Variants in HPS5 observed in about 807,000 individuals in gnomAD.
HPS5 encodes BLOC-2 complex member HPS5.
Under a neutral mutation model 128.0 loss-of-function variants are expected in HPS5, and 83 were observed. That is an observed-to-expected ratio of 0.65 (90% CI 0.54 to 0.78). The LOEUF is 0.78. HPS5 is among the 30% of genes least tolerant of loss of function. The pLI, the probability that HPS5 is intolerant of heterozygous loss-of-function variation, is 0.00. For synonymous variants in HPS5, 475 were observed against 470.2 expected, an observed-to-expected ratio of 1.01 and a Z score of -0.13; for missense variants, 1,281 against 1,326.2, an observed-to-expected ratio of 0.97 and a Z score of 0.53.
In HPS5 at chr11:18,292,885, C is replaced by T. The variant is rs777540195; in HGVS notation, c.1862+14G>A. 1 of 1,601,828 alleles carries T rather than the reference C, an allele frequency of 6.2e-7. No homozygotes were observed. Among genetic ancestry groups the T allele is most frequent in the Admixed American group, 1.7e-5 (1 of 60,006 alleles). ...CCTTGAGACGTCACTATAAAAGTTTCTCATTATACTCACATTGCTTCTGCT... is the reference window on the plus strand; with the variant it reads ...CCTTGAGACGTCACTATAAAAGTTTTTCATTATACTCACATTGCTTCTGCT... On this transcript the variant is annotated intron_variant, in intron 15 of 22. Coordinates refer to ENST00000349215, the MANE Select transcript of HPS5 (RefSeq NM_181507.2).
chr11:18,314,183 T>C (rs1863335665), intron 2 of HPS5, among the ~76,000 whole-genome samples: 2 of 152,162 alleles, frequency 1.3e-5, no homozygotes, highest in African/African-American at 2.4e-5. Context: ...GACTCAGCTA[T>C]GATGCCTGTG....
chr11:18,311,023 A>C, intron 4 of HPS5, 90 bp from the exon 5 acceptor site: 2 of 897,382 alleles, frequency 2.2e-6, no homozygotes, highest in South Asian at 1.4e-5. Context: ...TCAAATACAT[A>C]TGCAACTCTT....
chr11:18,299,561 A>ACT (rs1258555447), intron 9 of HPS5, among the ~76,000 whole-genome samples: 2 of 152,116 alleles, frequency 1.3e-5, no homozygotes, highest in African/African-American at 4.8e-5. Flanking sequence ...TCAACATAAC[A>ACT]CTCTCTACTG....
chr11:18,291,751 T>C lies in HPS5; in HGVS notation c.2131A>G (p.Arg711Gly), dbSNP rs927578042. ...TCATCCAAAGACTCCCTTGGACTCC[T>C]TACACATTCACATGCTGTTTTATCA... ...SVDKTACECV[R>G]SPRESLDDLF... Residue 711 changes from arginine (R) to glycine (G), a missense_variant, in exon 16 of 23, where the codon AGG becomes GGG. Physicochemically the swap from Arg to Gly is moderately radical, Grantham distance 125. Coordinates refer to ENST00000349215, the MANE Select transcript of HPS5 (RefSeq NM_181507.2). The C allele has an allele frequency of 3.7e-6, 6 of 1,614,112 alleles. No individual in the cohort carries two copies. In the African/African-American group the frequency reaches 8.0e-5, roughly 22 times the overall value.
intron 16 of HPS5, 50 bp from the exon 17 acceptor site, chr11:18,288,063 T>C (rs774835693): frequency 1.2e-6 from 2 of 1,600,048 alleles, no homozygotes; most frequent in South Asian, 2.2e-5. Flanking sequence ...TAGGCGGAAA[T>C]ATTCAATTTA....
chr11:18,290,594 A>G (rs1860277298), intron 16 of HPS5, among the ~76,000 whole-genome samples: 2 of 152,200 alleles, frequency 1.3e-5, no homozygotes, highest in Non-Finnish European at 2.9e-5. Flanking sequence ...GCACTGCTCT[A>G]CCATTTTCTG....
chr11:18,318,882 T>C (rs1219806751), intron 1 of HPS5, among the ~76,000 whole-genome samples: 1 of 152,190 alleles, frequency 6.6e-6, no homozygotes, highest in Non-Finnish European at 1.5e-5. Context: ...CCAGACATTA[T>C]TCTAGGTCCT....
chr11:18,286,394 G>A lies in HPS5; in HGVS notation c.2837+197C>T, dbSNP rs144400358. Among the ~76,000 whole-genome samples, 22 of 152,140 alleles carry A rather than the reference G, an allele frequency of 1.4e-4. No homozygotes were observed. The East Asian group carries it at 2.9e-3, about 20-fold the overall frequency. ...ATCTCATCTGTACAAAAAATTAGCCGGGCAGAGTGGTGTGCTCCTGTCTTC... is the reference window on the plus strand; with the variant it reads ...ATCTCATCTGTACAAAAAATTAGCCAGGCAGAGTGGTGTGCTCCTGTCTTC... On this transcript the variant is annotated intron_variant, in intron 19 of 22. Transcript: ENST00000349215.
chr11:18,297,765 T>C lies in HPS5; in HGVS notation c.1165-48A>G, dbSNP rs529843143. 66 of 1,556,426 alleles carry C rather than the reference T, an allele frequency of 4.2e-5. 1 individual carries two copies. The highest frequency in any genetic ancestry group is 1.7e-4 in the Middle Eastern group (1 of 5,832). ...GAATAGCTATTTGTAGGTAAATCTA[T>C]ATTCAAATGGCCAATATATTGAAAG... On this transcript the variant is annotated intron_variant, in intron 10 of 22. Transcript: ENST00000349215.
At chr11:18,293,087 T>A in intron 14 of HPS5, 111 bp from the exon 15 acceptor site, 1 of 828,900 alleles carries the variant, frequency 1.2e-6, no homozygotes, top group East Asian at 2.5e-5. Flanking sequence ...AGTGACGTGA[T>A]CTCGGTTCAT....
intron 16 of HPS5, among the ~76,000 whole-genome samples, chr11:18,288,819 G>A (rs929589699): frequency 6.6e-6 from 1 of 151,780 alleles, no homozygotes; most frequent in African/African-American, 2.4e-5. Flanking sequence ...ATGCGCACAT[G>A]CGTGTGTGGA....
chr11:18,286,287 C>T (rs1177115255), intron 19 of HPS5, among the ~76,000 whole-genome samples: 2 of 152,178 alleles, frequency 1.3e-5, no homozygotes, highest in African/African-American at 2.4e-5. Context: ...GCTCACGCCT[C>T]TAATCCCAGC....
intron 1 of HPS5, among the ~76,000 whole-genome samples, chr11:18,318,936 G>A (rs956330530): frequency 6.7e-6 from 1 of 150,212 alleles, no homozygotes. Context: ...ACTTTCTAGT[G>A]GCAAAACGAA....
At chr11:18,319,762 G>A (rs1196843950) in intron 1 of HPS5, among the ~76,000 whole-genome samples, 1 of 152,066 alleles carries the variant, frequency 6.6e-6, no homozygotes, top group African/African-American at 2.4e-5. Flanking sequence ...ATGAAAATGA[G>A]GATAAAACAT....
chr11:18,286,641 G>A lies in HPS5; in HGVS notation c.2787C>T (p.Ser929=). The A allele has an allele frequency of 6.2e-7, 1 of 1,614,042 alleles. No individual in the cohort carries two copies. The highest frequency in any genetic ancestry group is 2.2e-5 in the East Asian group (1 of 44,878). ...TGCTGGTGCTTGGTGGAGCATCAAG[G>A]GACACTGCCAAAAGCAGCCAATCCA... is the stretch of plus-strand genomic sequence containing the variant. The part of the protein sequence containing the change: ...LRLDWLLLAV[S]LDAPPSTSTM... The change falls in exon 19 of 23, where the codon TCC becomes TCT. Residue 929 remains serine (S), a synonymous_variant. Coordinates refer to ENST00000349215, the MANE Select transcript of HPS5 (RefSeq NM_181507.2).
intron 4 of HPS5, 136 bp from the exon 5 acceptor site, chr11:18,311,069 A>C: frequency 1.4e-6 from 1 of 733,520 alleles, no homozygotes; most frequent in Non-Finnish European, 2.4e-6. Flanking sequence ...TAAAAAGTCA[A>C]GGTATTAATT....
Position 18,317,869 on chromosome 11 carries a change from A to G in HPS5, c.-11T>C, listed in dbSNP as rs1193964008. 8 of 1,611,894 alleles carry G rather than the reference A, an allele frequency of 5.0e-6. No individual in the cohort carries two copies. The highest frequency in any genetic ancestry group is 5.9e-6 in the Non-Finnish European group (7 of 1,178,818). ...TGGCACAAAAGCCATTTAGCCAGAA[A>G]GCTGAAACTTGTTGAATGATAGATA... is the stretch of plus-strand genomic sequence containing the variant. On this transcript the variant is annotated 5_prime_UTR_variant, in exon 2 of 23. Transcript: ENST00000349215.
At chr11:18,307,103 T>C (rs1013923919) in intron 6 of HPS5, among the ~76,000 whole-genome samples, 1 of 152,238 alleles carries the variant, frequency 6.6e-6, no homozygotes, top group Non-Finnish European at 1.5e-5. Context: ...ATGGCAATTA[T>C]GTCTATTTAA....
chr11:18,305,036 G>C (rs570796066), intron 8 of HPS5, among the ~76,000 whole-genome samples: 2 of 152,188 alleles, frequency 1.3e-5, no homozygotes, highest in African/African-American at 4.8e-5. Flanking sequence ...AAGCTTACAA[G>C]AACAAGTTCT....
Sources: gnomAD v4.1 joint callset for allele counts (sites outside exome capture counted in the v4.1 genomes callset) on GRCh38, gnomAD v4.1.1 for gene constraint, MANE v1.5 for transcripts, NCBI Gene and HGNC (gene_info 2026-07-23, HGNC 2026-07-21) for gene names.